AGMO: variants seen among roughly 807,000 people sequenced by gnomAD.
AGMO encodes glyceryl-ether monooxygenase.
Under a neutral mutation model 60.2 loss-of-function variants are expected in AGMO, and 75 were observed. The ratio of observed to expected loss-of-function variants is 1.25; its 90% CI spans 1.03 to 1.51. The LOEUF (loss-of-function observed/expected upper bound fraction) is 1.51, where lower values mean the gene tolerates loss of function less well. Among genes scored for constraint, AGMO ranks in the 40% most tolerant of loss-of-function variants. The probability of loss-of-function intolerance (pLI) is 0.00; values close to 1 mark genes in which losing one functional copy is unlikely to be tolerated. For synonymous variants in AGMO, 261 were observed against 177.1 expected (o/e 1.47, Z -3.76); for missense variants, 763 against 525.5 (o/e 1.45, Z -4.42).
chr7:15,385,508 A>T lies in AGMO; in HGVS notation c.1012T>A (p.Tyr338Asn). Residue 338 changes from tyrosine to asparagine, a missense_variant, in exon 10 of 13, where the codon TAT becomes AAT. Coordinates refer to ENST00000342526, the MANE Select transcript of AGMO (RefSeq NM_001004320.2). ...ATCAGAGCAAACTGTACAACTGTAT[A>T]TATCTTTAATAGCTGAGATGAAGAT... ...SSSSSQLLKI[Y>N]TVVQFALMLA... The T allele has an allele frequency of 6.2e-7, 1 of 1,613,498 alleles. No homozygotes were observed. The highest frequency in any genetic ancestry group is 8.5e-7 in the Non-Finnish European group (1 of 1,179,626).
chr7:15,519,348 A>G (rs1783914541), intron 3 of AGMO, among the ~76,000 whole-genome samples: 1 of 152,076 alleles, frequency 6.6e-6, no homozygotes, highest in Admixed American at 6.5e-5. Context: ...CCCAAGACAC[A>G]TAAAGGTCAG....
chr7:15,259,121 C>T (rs1783193283), intron 12 of AGMO, among the ~76,000 whole-genome samples: 1 of 151,666 alleles, frequency 6.6e-6, no homozygotes, highest in African/African-American at 2.4e-5. Context: ...CAAAGAGGAA[C>T]CAGATAAAGG....
At chr7:15,520,755 C>G (rs1783961488) in intron 3 of AGMO, among the ~76,000 whole-genome samples, 1 of 152,086 alleles carries the variant, frequency 6.6e-6, no homozygotes, top group South Asian at 2.1e-4. Context: ...TATGAAATAT[C>G]TAAAATCAAC....
chr7:15,133,252 G>A, the AGMO span, among the ~76,000 whole-genome samples: 1 of 152,184 alleles, frequency 6.6e-6, no homozygotes, highest in African/African-American at 2.4e-5. Context: ...AGGAATTGCA[G>A]GCATAACTTC....
At chr7:15,486,246 T>G (rs1021539518) in intron 3 of AGMO, among the ~76,000 whole-genome samples, 1 of 152,076 alleles carries the variant, frequency 6.6e-6, no homozygotes, top group African/African-American at 2.4e-5. Context: ...GAGCAACATA[T>G]CAACGTGGAA....
chr7:15,407,939 G>C (rs957162984), intron 5 of AGMO, among the ~76,000 whole-genome samples: 1 of 151,754 alleles, frequency 6.6e-6, no homozygotes, highest in African/African-American at 2.4e-5. Context: ...AACAGAGCTC[G>C]TGCTCCTAAC....
chr7:15,394,099 CAA>C lies in AGMO; in HGVS notation c.676+12_676+13del, dbSNP rs201537987. 2,521 of 1,595,106 alleles carry C rather than the reference CAA, an allele frequency of 1.6e-3. 41 individuals are homozygous for C. In the East Asian group the frequency reaches 0.038, roughly 24 times the overall value. On this transcript the variant is annotated intron_variant, in intron 6 of 12. Coordinates refer to ENST00000342526, the MANE Select transcript of AGMO (RefSeq NM_001004320.2). ...AGAAATGAAGAAAAGAGAGAAGAAACAAAACTTCCTTACCATGATGAACCCTA... is the reference window on the plus strand; with the variant it reads ...AGAAATGAAGAAAAGAGAGAAGAAACAACTTCCTTACCATGATGAACCCTA...
intron 5 of AGMO, among the ~76,000 whole-genome samples, chr7:15,395,552 G>A (rs2128487372): frequency 1.3e-5 from 2 of 152,146 alleles, no homozygotes; most frequent in South Asian, 4.1e-4. Flanking sequence ...TTGTATAACT[G>A]AAATATACAC....
At chr7:15,171,183 G>A in the AGMO span, among the ~76,000 whole-genome samples, 6 of 151,916 alleles carry the variant, frequency 3.9e-5, no homozygotes, top group Admixed American at 2.6e-4. Context: ...GGGTTTCACC[G>A]TGTTAGCCAG....
intron 12 of AGMO, among the ~76,000 whole-genome samples, chr7:15,214,429 A>C (rs1222077469): frequency 2.6e-5 from 4 of 151,994 alleles, no homozygotes; most frequent in African/African-American, 7.2e-5. Flanking sequence ...ATTACCCTAG[A>C]AAATCCCTTC....
At chr7:15,412,379 T>C (rs912022126) in intron 5 of AGMO, among the ~76,000 whole-genome samples, 2 of 151,938 alleles carry the variant, frequency 1.3e-5, no homozygotes, top group Non-Finnish European at 2.9e-5. Flanking sequence ...TTAGGAGTCG[T>C]AGGCCAAATT....
At chr7:15,382,917 C>CAT (rs1192045066) in intron 10 of AGMO, among the ~76,000 whole-genome samples, 1 of 151,930 alleles carries the variant, frequency 6.6e-6, no homozygotes, top group African/African-American at 2.4e-5. Context: ...TGTGTGATAA[C>CAT]ATCTATTGTT....
chr7:15,275,855 T>C (rs1035560360), intron 12 of AGMO, among the ~76,000 whole-genome samples: 1 of 152,196 alleles, frequency 6.6e-6, no homozygotes, highest in Admixed American at 6.5e-5. Flanking sequence ...ATAATGGTTA[T>C]TCCTGCTTGC....
intron 12 of AGMO, among the ~76,000 whole-genome samples, chr7:15,354,369 GA>G (rs1782389338): frequency 4.1e-5 from 2 of 48,222 alleles, no homozygotes; most frequent in Non-Finnish European, 6.9e-5. Context: ...TGTGTATATA[GA>G]CGTGTGTATA....
chr7:15,230,962 C>A (rs1405997336), intron 12 of AGMO, among the ~76,000 whole-genome samples: 1 of 152,138 alleles, frequency 6.6e-6, no homozygotes, highest in Non-Finnish European at 1.5e-5. Context: ...TCCACTGCAC[C>A]ATTAATGCTT....
At chr7:15,447,691 C>T (rs932375281) in intron 3 of AGMO, among the ~76,000 whole-genome samples, 48 of 152,080 alleles carry the variant, frequency 3.2e-4, no homozygotes, top group African/African-American at 1.2e-3. Flanking sequence ...GCTGGGACTA[C>T]AGACACACGC....
chr7:15,264,192 C>A (rs1358008175), intron 12 of AGMO, among the ~76,000 whole-genome samples: 1 of 151,638 alleles, frequency 6.6e-6, no homozygotes, highest in Non-Finnish European at 1.5e-5. Context: ...TAAAAAACAA[C>A]CTTTTAAAAG....
chr7:15,345,167 T>C (rs1033330636), intron 12 of AGMO, among the ~76,000 whole-genome samples: 7 of 152,212 alleles, frequency 4.6e-5, no homozygotes, highest in African/African-American at 1.7e-4. Flanking sequence ...GCATCAGTAG[T>C]ATGGCCTGAG....
the AGMO span, among the ~76,000 whole-genome samples, chr7:15,175,587 G>C: frequency 6.6e-6 from 1 of 151,072 alleles, no homozygotes; most frequent in Admixed American, 6.6e-5. Context: ...CTCTTCTTTT[G>C]TTTACATCTC....
Sources: allele counts gnomAD v4.1 joint callset (sites outside exome capture counted in the v4.1 genomes callset), GRCh38; gene constraint gnomAD v4.1.1; transcripts MANE v1.5; gene names NCBI Gene and HGNC (gene_info 2026-07-23, HGNC 2026-07-21).